Variants in NCOA3 observed in about 807,000 individuals in gnomAD.
The protein encoded by NCOA3 is CBP-interacting protein.
NCOA3 carries 51 observed loss-of-function variants against 158.8 expected under a neutral mutation model. That is an observed-to-expected ratio of 0.32 (90% CI 0.26 to 0.41). The LOEUF (loss-of-function observed/expected upper bound fraction) is 0.41. NCOA3 is among the 10% of genes least tolerant of loss of function. NCOA3 has a pLI of 1.00. For missense variants in NCOA3, 1,510 were observed against 1,746.6 expected (o/e 0.86, Z 2.41); for synonymous variants, 537 against 592.4 (o/e 0.91, Z 1.36).
At chr20:47,642,565 T>C (rs187803311) in intron 17 of NCOA3, among the ~76,000 whole-genome samples, 181 bp downstream of exon 17, 9 of 152,352 alleles carry the variant, frequency 5.9e-5, no homozygotes, top group African/African-American at 2.2e-4. Flanking sequence ...TCAATTCGTA[T>C]GTTAAAATAG....
At chr20:47,536,226 C>G (rs1202190519) in intron 1 of NCOA3, among the ~76,000 whole-genome samples, 1 of 152,202 alleles carries the variant, frequency 6.6e-6, no homozygotes, top group Admixed American at 6.5e-5. Context: ...GCACTTACTT[C>G]CCTGCCCTTC....
At chr20:47,619,456 G>A (rs955921083) in intron 2 of NCOA3, among the ~76,000 whole-genome samples, 1 of 151,802 alleles carries the variant, frequency 6.6e-6, no homozygotes, top group African/African-American at 2.4e-5. Flanking sequence ...ACCAGCCTGG[G>A]CAACATAGTG....
chr20:47,596,422 TAG>T (rs2085756470), intron 2 of NCOA3, among the ~76,000 whole-genome samples: 2 of 152,200 alleles, frequency 1.3e-5, no homozygotes, highest in South Asian at 4.1e-4. Context: ...TGATAAACAT[TAG>T]AGTTTCTTCT....
intron 1 of NCOA3, among the ~76,000 whole-genome samples, chr20:47,560,547 C>T (rs563361641): frequency 6.6e-6 from 1 of 152,282 alleles, no homozygotes; most frequent in East Asian, 1.9e-4. Flanking sequence ...ACTCTGCATG[C>T]TCACAACATT....
chr20:47,558,840 T>G (rs2085054456), intron 1 of NCOA3, among the ~76,000 whole-genome samples: 1 of 144,444 alleles, frequency 6.9e-6, no homozygotes, highest in South Asian at 2.2e-4. Flanking sequence ...TTTTTTTTTT[T>G]GGCCATATCC....
chr20:47,624,128 C>A, intron 4 of NCOA3, 45 bp downstream of exon 4: 1 of 1,530,344 alleles, frequency 6.5e-7, no homozygotes, highest in Non-Finnish European at 8.8e-7. Context: ...TGGTTCCCAA[C>A]CTTTTTGGCA....
At chr20:47,607,346 C>A (rs2085963370) in intron 2 of NCOA3, among the ~76,000 whole-genome samples, 1 of 152,102 alleles carries the variant, frequency 6.6e-6, no homozygotes, top group Admixed American at 6.6e-5. Flanking sequence ...TTCCTCATTA[C>A]CAGGAAAAGG....
chr20:47,523,777 G>A (rs2084382568), intron 1 of NCOA3, among the ~76,000 whole-genome samples: 1 of 152,118 alleles, frequency 6.6e-6, no homozygotes, highest in African/African-American at 2.4e-5. Context: ...CTTCCTTTTT[G>A]TCAACTATTA....
intron 1 of NCOA3, among the ~76,000 whole-genome samples, chr20:47,516,408 A>G (rs1432914052): frequency 6.6e-6 from 1 of 152,200 alleles, no homozygotes; most frequent in Non-Finnish European, 1.5e-5. Flanking sequence ...GAACTGAAAT[A>G]TAGATCAGGA....
chr20:47,614,215 A>G (rs1310887771), intron 2 of NCOA3, among the ~76,000 whole-genome samples: 1 of 152,180 alleles, frequency 6.6e-6, no homozygotes, highest in Non-Finnish European at 1.5e-5. Context: ...GAAGATTAAG[A>G]AACTTTTTGA....
chr20:47,558,727 A>G (rs1459441736), intron 1 of NCOA3, among the ~76,000 whole-genome samples: 1 of 151,578 alleles, frequency 6.6e-6, no homozygotes, highest in African/African-American at 2.4e-5. Flanking sequence ...ATCTCCATCA[A>G]GTTCTCTTAA....
chr20:47,562,022 G>A (rs770603548), intron 1 of NCOA3, among the ~76,000 whole-genome samples: 3 of 151,736 alleles, frequency 2.0e-5, no homozygotes, highest in Non-Finnish European at 4.4e-5. Context: ...AAAGTATGTA[G>A]CCTTTTCAGA....
intron 2 of NCOA3, among the ~76,000 whole-genome samples, chr20:47,607,646 G>C (rs1232522631): frequency 6.6e-6 from 1 of 151,992 alleles, no homozygotes; most frequent in Non-Finnish European, 1.5e-5. Context: ...CTTTTGTTAA[G>C]GGGTCTGACC....
chr20:47,506,724 A>G (rs368857526), intron 1 of NCOA3, among the ~76,000 whole-genome samples: 2 of 152,006 alleles, frequency 1.3e-5, no homozygotes, highest in Middle Eastern at 3.4e-3. Flanking sequence ...ACTAGTGTCT[A>G]TTTTGTTTGG....
rs764401482 is a variant in NCOA3 at position 47,636,421 on chromosome 20, C to A, written c.2035C>A (p.Gln679Lys). The change falls in exon 12 of 23, where the codon CAA becomes AAA. Residue 679 changes from glutamine to lysine, a missense_variant. Physicochemically the swap from Gln to Lys is moderately conservative, Grantham distance 53 (BLOSUM62 1). Transcript: ENST00000371998. ...ATCCAATATGCATGGGTCACTGTTA[C>A]AAGAGAAGCACCGGATTTTGCACAA... ...STSNMHGSLL[Q>K]EKHRILHKLL... The A allele has an allele frequency of 1.2e-6, 2 of 1,613,980 alleles. No individual in the cohort carries two copies. Among genetic ancestry groups the A allele is most frequent in the South Asian group, 1.1e-5 (1 of 91,078 alleles).
At chr20:47,642,553 T>G (rs1408672192) in intron 17 of NCOA3, among the ~76,000 whole-genome samples, 169 bp downstream of exon 17, 5 of 152,296 alleles carry the variant, frequency 3.3e-5, no homozygotes, top group Middle Eastern at 3.4e-3. Flanking sequence ...CCTTTTTTGG[T>G]CTCAATTCGT....
intron 2 of NCOA3, among the ~76,000 whole-genome samples, chr20:47,617,203 G>A (rs73624689): frequency 2.0e-5 from 3 of 151,984 alleles, no homozygotes; most frequent in Non-Finnish European, 4.4e-5. Context: ...TGATCCACCC[G>A]CCTCGGCCTC....
intron 2 of NCOA3, among the ~76,000 whole-genome samples, chr20:47,613,517 GT>G (rs2086077393): frequency 6.7e-6 from 1 of 150,140 alleles, no homozygotes; most frequent in Admixed American, 6.6e-5. Context: ...AAAGGATTGT[GT>G]TATACTTTAT....
intron 1 of NCOA3, among the ~76,000 whole-genome samples, chr20:47,507,970 GT>G (rs2084055758): frequency 6.6e-6 from 1 of 151,972 alleles, no homozygotes; most frequent in South Asian, 2.1e-4. Context: ...TGAAATTTAA[GT>G]CAGTAATAAT....
Sources: gnomAD v4.1 joint callset for allele counts (sites outside exome capture counted in the v4.1 genomes callset) on GRCh38, gnomAD v4.1.1 for gene constraint, MANE v1.5 for transcripts, NCBI Gene and HGNC (gene_info 2026-07-23, HGNC 2026-07-21) for gene names.